CHCHD6: variants seen among roughly 807,000 people sequenced by gnomAD.
CHCHD6 encodes MICOS complex subunit MIC25.
Under a neutral mutation model 32.3 loss-of-function variants are expected in CHCHD6, and 28 were observed. The observed-to-expected ratio is 0.87, with a 90% CI of 0.64 to 1.19. The LOEUF is 1.19. CHCHD6 is among the 50% of genes most tolerant of loss of function. The pLI is 0.00. For missense variants in CHCHD6, 333 were observed against 307.0 expected, an observed-to-expected ratio of 1.08 and a Z score of -0.63; for synonymous variants, 122 against 117.5, an observed-to-expected ratio of 1.04 and a Z score of -0.25.
intron 4 of CHCHD6, among the ~76,000 whole-genome samples, chr3:126,817,103 T>A (rs561380389): frequency 6.6e-6 from 1 of 152,324 alleles, no homozygotes; most frequent in Non-Finnish European, 1.5e-5. Context: ...GTGGATTGTT[T>A]TGCAAGGGTA....
At chr3:126,833,922 C>T (rs558879384) in intron 4 of CHCHD6, among the ~76,000 whole-genome samples, 4 of 150,368 alleles carry the variant, frequency 2.7e-5, no homozygotes, top group South Asian at 2.1e-4. Context: ...GGCGTAGTGG[C>T]GGGCGCCTGT....
At chr3:126,767,351 C>G in intron 4 of CHCHD6, 1 of 836,400 alleles carries the variant, frequency 1.2e-6, no homozygotes, top group Non-Finnish European at 2.1e-6. Flanking sequence ...GTAGTTCTGC[C>G]CACATGCTGC....
intron 5 of CHCHD6, among the ~76,000 whole-genome samples, chr3:126,875,872 A>T (rs915373120): frequency 6.6e-6 from 1 of 152,238 alleles, no homozygotes; most frequent in Non-Finnish European, 1.5e-5. Context: ...GAAAACCTGT[A>T]GGGTCCTGTG....
intron 5 of CHCHD6, among the ~76,000 whole-genome samples, chr3:126,904,525 T>A (rs143190310): frequency 6.6e-6 from 1 of 152,376 alleles, no homozygotes; most frequent in African/African-American, 2.4e-5. Context: ...TACGCTTATC[T>A]GTTGCTTTAC....
chr3:126,934,095 C>T (rs539379316), intron 6 of CHCHD6, among the ~76,000 whole-genome samples: 3 of 152,338 alleles, frequency 2.0e-5, no homozygotes, highest in African/African-American at 4.8e-5. Flanking sequence ...GAAGTCAGAC[C>T]ACTGGAGTGC....
At chr3:126,881,109 A>C (rs564657985) in intron 5 of CHCHD6, among the ~76,000 whole-genome samples, 128 of 152,268 alleles carry the variant, frequency 8.4e-4, no homozygotes, top group Non-Finnish European at 1.6e-3. Flanking sequence ...AAGCTTCCTC[A>C]AAAGAAAGTT....
intron 6 of CHCHD6, among the ~76,000 whole-genome samples, chr3:126,952,433 G>A (rs59777773): frequency 0.022 from 3,425 of 152,306 alleles, 134 homozygotes; most frequent in African/African-American, 0.077. Flanking sequence ...CTTGAGCTGG[G>A]CACCATGCTG....
chr3:126,712,541 T>G (rs546583687), intron 1 of CHCHD6, among the ~76,000 whole-genome samples: 23 of 152,296 alleles, frequency 1.5e-4, no homozygotes, highest in African/African-American at 5.5e-4. Flanking sequence ...AAAGTAAACG[T>G]GCTGCACTGG....
chr3:126,754,271 A>T (rs931460722), intron 4 of CHCHD6, among the ~76,000 whole-genome samples: 5 of 152,168 alleles, frequency 3.3e-5, no homozygotes, highest in African/African-American at 1.2e-4. Context: ...AGCAATATTG[A>T]CTTCACAGGG....
In CHCHD6 at chr3:126,727,377, C is replaced by T. The variant is rs766716836; in HGVS notation, c.196+191C>T. On this transcript the variant is annotated intron_variant, in intron 2 of 7. Transcript: ENST00000290913. ...GTGATGGGGCTGTCATCAGAGCTGC[C>T]GGGATTCGGGTCGGACCACCTTCCC... 7.9e-5 allele frequency among the ~76,000 whole-genome samples: 12 copies of T among 152,284 alleles called. No homozygotes were observed. The East Asian group carries it at 1.2e-3, about 15-fold the overall frequency.
chr3:126,909,123 G>C lies in CHCHD6; in HGVS notation c.496-5557G>C, dbSNP rs114780334. Among the ~76,000 whole-genome samples, 77 of 152,360 alleles carry C rather than the reference G, an allele frequency of 5.1e-4. 1 individual carries two copies. Among genetic ancestry groups the C allele is most frequent in the African/African-American group, 1.7e-3 (72 of 41,586 alleles). On this transcript the variant is annotated intron_variant, in intron 5 of 7. Transcript: ENST00000290913. The stretch of plus-strand genomic sequence containing the variant: ...GCGCCCAGCACAGCCTGTGCACACC[G>C]TAGGCCGTGAATGACTGCTGTTAAC...
chr3:126,743,099 C>T (rs1936347336), intron 4 of CHCHD6, among the ~76,000 whole-genome samples: 1 of 152,006 alleles, frequency 6.6e-6, no homozygotes, highest in Non-Finnish European at 1.5e-5. Flanking sequence ...TGTTTTGAAC[C>T]CTATGGGGAG....
At chr3:126,960,099 C>T (rs571166949) in intron 7 of CHCHD6, 97 bp from the exon 8 acceptor site, 437 of 1,457,158 alleles carry the variant, frequency 3.0e-4, no homozygotes, top group Non-Finnish European at 3.8e-4. Flanking sequence ...CACAGCTGCT[C>T]CCTGGGAAGC....
At chr3:126,793,387 C>G (rs370083250) in intron 4 of CHCHD6, among the ~76,000 whole-genome samples, 2 of 151,976 alleles carry the variant, frequency 1.3e-5, no homozygotes, top group Non-Finnish European at 2.9e-5. Context: ...ATTCTCTTTG[C>G]TTTGCCTTTT....
At chr3:126,754,336 C>T (rs980905881) in intron 4 of CHCHD6, among the ~76,000 whole-genome samples, 1 of 152,176 alleles carries the variant, frequency 6.6e-6, no homozygotes, top group Admixed American at 6.5e-5. Flanking sequence ...AGTGCTTCAC[C>T]TGCCATAGGT....
At chr3:126,883,268 A>G (rs1280048445) in intron 5 of CHCHD6, among the ~76,000 whole-genome samples, 1 of 152,156 alleles carries the variant, frequency 6.6e-6, no homozygotes, top group Non-Finnish European at 1.5e-5. Context: ...GAATCCCAAG[A>G]GGAGGCTGTG....
At position 126,877,917 on chromosome 3, in the gene CHCHD6, AACTTTTGAACATAGT is replaced by A. The variant is rs1160282533; in HGVS notation, c.495+25191_495+25205del. ...GTATAGTTAAAAAAGTAATTTGGGT[AACTTTTGAACATAGT>A]ACTCTGTACATCCTCAGTAGAGTGT... On this transcript the variant is annotated intron_variant, in intron 5 of 7. Transcript: ENST00000290913. Among the ~76,000 whole-genome samples the A allele has an allele frequency of 9.2e-5, 14 of 152,358 alleles. No individual in the cohort carries two copies. In the East Asian group the frequency reaches 2.3e-3, roughly 25 times the overall value.
chr3:126,733,248 G>T (rs776999616), intron 4 of CHCHD6, 26 bp downstream of exon 4: 12 of 1,604,126 alleles, frequency 7.5e-6, no homozygotes, highest in South Asian at 1.1e-5. Flanking sequence ...CCCTGATCTG[G>T]CCTTCTGAGC....
At chr3:126,904,628 T>C (rs1451696066) in intron 5 of CHCHD6, among the ~76,000 whole-genome samples, 1 of 152,168 alleles carries the variant, frequency 6.6e-6, no homozygotes, top group African/African-American at 2.4e-5. Context: ...GTGACTGAAA[T>C]GATAGACTCA....
Sources: allele counts gnomAD v4.1 joint callset (sites outside exome capture counted in the v4.1 genomes callset), GRCh38; gene constraint gnomAD v4.1.1; transcripts MANE v1.5; gene names NCBI Gene and HGNC (gene_info 2026-07-23, HGNC 2026-07-21).